The following CDK8 variants were observed in gnomAD, a reference collection of about 807,000 sequenced individuals.
CDK8 encodes the protein cyclin dependent kinase 8, also known as cyclin-dependent kinase 8.
A neutral mutation model predicts 71.5 loss-of-function variants in CDK8; 29 were observed. The ratio of observed to expected loss-of-function variants is 0.41; its 90% CI spans 0.30 to 0.55. CDK8 has a LOEUF of 0.55. Among genes scored for constraint, CDK8 ranks in the 20% least tolerant of loss-of-function variants. The pLI is 0.37. For missense variants in CDK8, 288 were observed against 572.6 expected (o/e 0.50, Z 5.07); for synonymous variants, 161 against 192.1 (o/e 0.84, Z 1.34).
intron 1 of CDK8, among the ~76,000 whole-genome samples, chr13:26,321,537 G>A (rs939471825): frequency 3.9e-5 from 6 of 152,006 alleles, no homozygotes; most frequent in African/African-American, 1.2e-4. Flanking sequence ...TAAATTTTAT[G>A]TTAATCATAT....
chr13:26,365,450 A>G (rs1874343944), intron 4 of CDK8, among the ~76,000 whole-genome samples: 1 of 152,166 alleles, frequency 6.6e-6, no homozygotes, highest in African/African-American at 2.4e-5. Flanking sequence ...AAATGTCACA[A>G]TTGCAAATAG....
At chr13:26,331,674 A>G (rs577094662) in intron 1 of CDK8, among the ~76,000 whole-genome samples, 32 of 152,156 alleles carry the variant, frequency 2.1e-4, no homozygotes, top group African/African-American at 7.2e-4. Context: ...TGGGTTACTT[A>G]TCTGTTTTTC....
intron 2 of CDK8, among the ~76,000 whole-genome samples, chr13:26,348,153 A>T (rs1292221690): frequency 2.6e-5 from 4 of 152,146 alleles, no homozygotes; most frequent in Non-Finnish European, 5.9e-5. Context: ...GAAATAGGCT[A>T]AGTGAAATAA....
intron 1 of CDK8, among the ~76,000 whole-genome samples, chr13:26,263,924 CT>C (rs982699494): frequency 6.6e-6 from 1 of 151,106 alleles, no homozygotes; most frequent in Non-Finnish European, 1.5e-5. Flanking sequence ...TTTTTTTGTA[CT>C]TTTAGTAGAG....
intron 1 of CDK8, among the ~76,000 whole-genome samples, chr13:26,323,322 A>AGAGG (rs1333880892): frequency 4.6e-5 from 5 of 108,940 alleles, no homozygotes; most frequent in South Asian, 3.1e-4. Context: ...AGAGAGAGAG[A>AGAGG]GAGAGGGAGA....
At chr13:26,390,995 A>C (rs1417507319) in intron 6 of CDK8, among the ~76,000 whole-genome samples, 1 of 151,066 alleles carries the variant, frequency 6.6e-6, no homozygotes, top group Non-Finnish European at 1.5e-5. Flanking sequence ...TGAATTGGGC[A>C]CAATCTAAAA....
At chr13:26,303,993 G>A (rs984936411) in intron 1 of CDK8, among the ~76,000 whole-genome samples, 1 of 151,824 alleles carries the variant, frequency 6.6e-6, no homozygotes, top group Admixed American at 6.6e-5. Flanking sequence ...GGCCAGGCTC[G>A]GTGGCTCACA....
At chr13:26,328,273 C>G (rs1875118040) in intron 1 of CDK8, among the ~76,000 whole-genome samples, 1 of 152,194 alleles carries the variant, frequency 6.6e-6, no homozygotes, top group African/African-American at 2.4e-5. Context: ...TTAGGTAATT[C>G]ACAGTTCTTA....
At chr13:26,323,788 T>C (rs7988696) in intron 1 of CDK8, among the ~76,000 whole-genome samples, 5,413 of 152,224 alleles carry the variant, frequency 0.036, 316 homozygotes, top group African/African-American at 0.12. Flanking sequence ...CTTTTGACCA[T>C]GTATTCTCTT....
intron 1 of CDK8, among the ~76,000 whole-genome samples, chr13:26,335,553 C>A (rs533676054): frequency 6.6e-6 from 1 of 152,166 alleles, no homozygotes; most frequent in South Asian, 2.1e-4. Context: ...CACTGGTCCC[C>A]AAAACTCAGC....
chr13:26,385,604 G>A (rs979726307), intron 6 of CDK8, among the ~76,000 whole-genome samples: 3 of 152,104 alleles, frequency 2.0e-5, no homozygotes, highest in Non-Finnish European at 2.9e-5. Flanking sequence ...GGGCATGGTG[G>A]TGTGCACCTG....
rs1874089872 is a variant in CDK8 at position 26,307,293 on chromosome 13, C to T, written c.129-30274C>T. On this transcript the variant is annotated intron_variant, in intron 1 of 12. Coordinates refer to ENST00000381527, the MANE Select transcript of CDK8 (RefSeq NM_001260.3). ...TTCTGGATTATGTAGATTGGCTCTA[C>T]ATAATCACCAGGGTGCCTAAAAGTA... Among the ~76,000 whole-genome samples, 5 of 152,182 alleles carry T rather than the reference C, an allele frequency of 3.3e-5. No individual in the cohort carries two copies. In the South Asian group the frequency reaches 1.0e-3, roughly 32 times the overall value.
intron 1 of CDK8, among the ~76,000 whole-genome samples, 171 bp from the exon 2 acceptor site, chr13:26,337,396 T>C (rs1873039743): frequency 6.6e-6 from 1 of 152,194 alleles, no homozygotes; most frequent in African/African-American, 2.4e-5. Flanking sequence ...CATCAAATAA[T>C]GGGACTGGAC....
intron 1 of CDK8, among the ~76,000 whole-genome samples, chr13:26,273,945 TG>T (rs1872449696): frequency 6.6e-6 from 1 of 152,204 alleles, no homozygotes. Flanking sequence ...CTGCATAGAC[TG>T]TGTATATTCC....
At chr13:26,364,314 A>C (rs1874281117) in intron 4 of CDK8, among the ~76,000 whole-genome samples, 1 of 152,222 alleles carries the variant, frequency 6.6e-6, no homozygotes, top group Non-Finnish European at 1.5e-5. Context: ...CTGTTTCATG[A>C]AACTTTTGAT....
intron 6 of CDK8, among the ~76,000 whole-genome samples, chr13:26,393,138 A>T (rs1375171027): frequency 1.3e-5 from 2 of 152,112 alleles, no homozygotes; most frequent in African/African-American, 4.8e-5. Context: ...AGAATGAAAA[A>T]TCGGGGTGGA....
intron 1 of CDK8, among the ~76,000 whole-genome samples, chr13:26,287,389 A>G (rs1441729137): frequency 6.6e-6 from 1 of 152,172 alleles, no homozygotes. Flanking sequence ...CTGTTCACCC[A>G]TAAAAAGGAA....
intron 2 of CDK8, among the ~76,000 whole-genome samples, chr13:26,346,379 C>T (rs970435540): frequency 6.6e-6 from 1 of 152,192 alleles, no homozygotes; most frequent in Non-Finnish European, 1.5e-5. Flanking sequence ...CTAAGAATAA[C>T]TTTAAATGTA....
At chr13:26,395,215 C>T (rs1162205791) in intron 7 of CDK8, among the ~76,000 whole-genome samples, 1 of 152,146 alleles carries the variant, frequency 6.6e-6, no homozygotes, top group Admixed American at 6.5e-5. Flanking sequence ...TTTTGCGAGG[C>T]CGCGGTGGGC....
Sources: gnomAD v4.1 joint callset for allele counts (sites outside exome capture counted in the v4.1 genomes callset) on GRCh38, gnomAD v4.1.1 for gene constraint, MANE v1.5 for transcripts, NCBI Gene and HGNC (gene_info 2026-07-23, HGNC 2026-07-21) for gene names.